The following STEAP3 variants were observed in gnomAD, a reference collection of about 807,000 sequenced individuals.
STEAP3 encodes the protein STEAP3 metalloreductase.
Under a neutral mutation model 34.9 loss-of-function variants are expected in STEAP3, and 35 were observed. The ratio of observed to expected loss-of-function variants is 1.00; its 90% CI spans 0.76 to 1.33. The LOEUF is 1.33. Among genes scored for constraint, STEAP3 ranks in the 40% most tolerant of loss-of-function variants. STEAP3 has a pLI of 0.00. For synonymous variants in STEAP3, 281 were observed against 301.6 expected, an observed-to-expected ratio of 0.93 and a Z score of 0.71; for missense variants, 652 against 667.6, an observed-to-expected ratio of 0.98 and a Z score of 0.26.
At chr2:119,238,016 A>G (rs559697110) in intron 2 of STEAP3, among the ~76,000 whole-genome samples, 11 of 152,354 alleles carry the variant, frequency 7.2e-5, no homozygotes, top group African/African-American at 2.6e-4. Flanking sequence ...TTTATGGCTG[A>G]ATATTAATCC....
chr2:119,229,263 CT>C (rs1384450463), intron 1 of STEAP3, among the ~76,000 whole-genome samples: 23 of 152,344 alleles, frequency 1.5e-4, no homozygotes, highest in African/African-American at 5.3e-4. Flanking sequence ...GTGCCTCAGC[CT>C]CCCGAGCAGC....
chr2:119,242,153 T>A (rs1677265053), intron 2 of STEAP3, among the ~76,000 whole-genome samples: 1 of 152,086 alleles, frequency 6.6e-6, no homozygotes. Context: ...CAGCACAAAG[T>A]CACTCAGGAG....
At position 119,230,835 on chromosome 2, in the gene STEAP3, G is replaced by T; in HGVS notation, c.-178G>T. On this transcript the variant is annotated 5_prime_UTR_variant, in exon 2 of 6. Transcript: ENST00000393110. ...AGCCCCTGTGGCCAAGAGCTGGCGTGCAGGCTGCGGGAGGCAGCTGGCTGT... is the reference window on the plus strand; with the variant it reads ...AGCCCCTGTGGCCAAGAGCTGGCGTTCAGGCTGCGGGAGGCAGCTGGCTGT... The T allele has an allele frequency of 1.3e-6, 1 of 746,282 alleles. No individual in the cohort carries two copies. Among genetic ancestry groups the T allele is most frequent in the Non-Finnish European group, 2.3e-6 (1 of 438,684 alleles). The allele number at this position is 746,282 out of a possible 1,614,324, so 46.2% of individuals were successfully genotyped here.
At position 119,230,801 on chromosome 2, in the gene STEAP3, T is replaced by G; in HGVS notation, c.-212T>G. On this transcript the variant is annotated 5_prime_UTR_variant, in exon 2 of 6. Coordinates refer to ENST00000393110, the MANE Select transcript of STEAP3 (RefSeq NM_182915.3). ...TCTCCAACCAAGCATCAGTCACCAC[T>G]CCCGGTCCAGCCCCTGTGGCCAAGA... 1.6e-6 allele frequency: 1 copy of G among 639,890 alleles called. No individual in the cohort carries two copies. Among genetic ancestry groups the G allele is most frequent in the Non-Finnish European group, 2.8e-6 (1 of 354,856 alleles). The allele number at this position is 639,890 out of a possible 1,614,324, so 39.6% of individuals were successfully genotyped here. A position where few individuals can be genotyped will look rare whatever the true frequency, so the allele number is the denominator to read the frequency against.
intron 4 of STEAP3, among the ~76,000 whole-genome samples, chr2:119,252,931 G>T (rs948417545): frequency 6.6e-6 from 1 of 152,218 alleles, no homozygotes; most frequent in African/African-American, 2.4e-5. Context: ...GACATTAACT[G>T]CCTGATCTTC....
intron 5 of STEAP3, among the ~76,000 whole-genome samples, chr2:119,256,561 A>G (rs1216903196): frequency 2.0e-5 from 3 of 152,216 alleles, no homozygotes; most frequent in African/African-American, 7.2e-5. Context: ...TGATTTTGTT[A>G]GCAAGAGCTG....
intron 1 of STEAP3, among the ~76,000 whole-genome samples, chr2:119,225,592 G>A (rs145455478): frequency 6.6e-6 from 1 of 152,360 alleles, no homozygotes; most frequent in Non-Finnish European, 1.5e-5. Context: ...TTGGCCCACA[G>A]CCCTTCCCTT....
At chr2:119,229,272 A>G (rs1264183754) in intron 1 of STEAP3, among the ~76,000 whole-genome samples, 1 of 152,186 alleles carries the variant, frequency 6.6e-6, no homozygotes, top group African/African-American at 2.4e-5. Flanking sequence ...CCTCCCGAGC[A>G]GCTGGGATTA....
chr2:119,234,619 A>T (rs551956130), intron 2 of STEAP3, among the ~76,000 whole-genome samples: 1 of 152,348 alleles, frequency 6.6e-6, no homozygotes, highest in East Asian at 1.9e-4. Flanking sequence ...GCCTTGCTTC[A>T]TGCTGGGTAC....
chr2:119,238,738 C>G (rs1193125101), intron 2 of STEAP3, among the ~76,000 whole-genome samples: 1 of 152,178 alleles, frequency 6.6e-6, no homozygotes, highest in Non-Finnish European at 1.5e-5. Context: ...TCTGTGAAAA[C>G]TGAAGATGGA....
Position 119,240,668 on chromosome 2 carries a change from G to A in STEAP3, c.23-4821G>A, listed in dbSNP as rs964299899. 4.6e-5 allele frequency among the ~76,000 whole-genome samples: 7 copies of A among 152,338 alleles called. No individual in the cohort carries two copies. In the South Asian group the frequency reaches 1.4e-3, roughly 32 times the overall value. On this transcript the variant is annotated intron_variant, in intron 2 of 5. Transcript: ENST00000393110. ...AAGAAGGAGGGGACAGACAAGCCTG[G>A]GCAGAGACCCAGAGGGGACCAGGAC...
At position 119,231,481 on chromosome 2, in the gene STEAP3, G is replaced by A. The variant is rs1676935188; in HGVS notation, c.22+447G>A. ...TGGTAACCATTTCTGCATTGGTTTA[G>A]CACGGAACTGCTGCTGCAAGTAAAT... On this transcript the variant is annotated intron_variant, in intron 2 of 5. Coordinates refer to ENST00000393110, the MANE Select transcript of STEAP3 (RefSeq NM_182915.3). Among the ~76,000 whole-genome samples, 3 of 151,978 alleles carry A rather than the reference G, an allele frequency of 2.0e-5. No individual in the cohort carries two copies. In the South Asian group the frequency reaches 6.2e-4, roughly 32 times the overall value.
At chr2:119,238,190 T>C (rs1486598007) in intron 2 of STEAP3, among the ~76,000 whole-genome samples, 3 of 152,362 alleles carry the variant, frequency 2.0e-5, no homozygotes, top group Admixed American at 6.5e-5. Context: ...TGCTGGGTCA[T>C]ATAGAAACTG....
chr2:119,237,341 C>T (rs142268384), intron 2 of STEAP3, among the ~76,000 whole-genome samples: 1 of 152,218 alleles, frequency 6.6e-6, no homozygotes, highest in African/African-American at 2.4e-5. Flanking sequence ...CAGAGATCAC[C>T]TGGGGAGAGA....
At chr2:119,259,522 C>T (rs1043106322) in intron 5 of STEAP3, among the ~76,000 whole-genome samples, 4 of 152,212 alleles carry the variant, frequency 2.6e-5, no homozygotes, top group Non-Finnish European at 4.4e-5. Context: ...CTGCTGTCTG[C>T]ACCATGGGAT....
intron 5 of STEAP3, among the ~76,000 whole-genome samples, chr2:119,262,756 G>A (rs997649189): frequency 3.3e-5 from 5 of 152,168 alleles, no homozygotes; most frequent in Admixed American, 1.3e-4. Flanking sequence ...AAATAACAAA[G>A]TTAAGGAAAA....
chr2:119,226,892 G>C (rs1458920858), intron 1 of STEAP3, among the ~76,000 whole-genome samples: 1 of 152,146 alleles, frequency 6.6e-6, no homozygotes, highest in East Asian at 1.9e-4. Flanking sequence ...CCAACCATGT[G>C]ACTTTCCAAC....
intron 4 of STEAP3, among the ~76,000 whole-genome samples, chr2:119,252,557 T>C (rs556747133): frequency 3.9e-5 from 6 of 152,222 alleles, no homozygotes; most frequent in Non-Finnish European, 8.8e-5. Flanking sequence ...CCATCTCTTG[T>C]TGATGAACAC....
chr2:119,250,641 G>A (rs1455400148), intron 4 of STEAP3, among the ~76,000 whole-genome samples: 1 of 152,054 alleles, frequency 6.6e-6, no homozygotes, highest in Non-Finnish European at 1.5e-5. Flanking sequence ...GACGGGGACG[G>A]TGCCCACTAC....
Sources: allele counts gnomAD v4.1 joint callset (sites outside exome capture counted in the v4.1 genomes callset), GRCh38; gene constraint gnomAD v4.1.1; transcripts MANE v1.5; gene names NCBI Gene and HGNC (gene_info 2026-07-23, HGNC 2026-07-21).